SUCLG2: variants seen among roughly 807,000 people sequenced by gnomAD.
The protein encoded by SUCLG2 is succinate-CoA ligase GDP-forming subunit beta.
A neutral mutation model predicts 47.9 loss-of-function variants in SUCLG2; 42 were observed. That is an observed-to-expected ratio of 0.88 (90% CI 0.69 to 1.14). The LOEUF (loss-of-function observed/expected upper bound fraction) is 1.14, where lower values mean the gene tolerates loss of function less well. Among genes scored for constraint, SUCLG2 ranks in the 50% most tolerant of loss-of-function variants. The pLI, the probability that SUCLG2 is intolerant of heterozygous loss-of-function variation, is 0.00. For missense variants in SUCLG2, 571 were observed against 525.9 expected, an observed-to-expected ratio of 1.09 and a Z score of -0.84; for synonymous variants, 195 against 197.3, an observed-to-expected ratio of 0.99 and a Z score of 0.10.
In SUCLG2 at chr3:67,580,620, AC is replaced by A. The variant is rs1455585723; in HGVS notation, c.226+28834del. Among the ~76,000 whole-genome samples, 7 of 152,196 alleles carry A rather than the reference AC, an allele frequency of 4.6e-5. No individual in the cohort carries two copies. The East Asian group carries it at 1.3e-3, about 29-fold the overall frequency. The stretch of plus-strand genomic sequence containing the variant: ...AAATGAAGCCTGAGACAACAGGCAA[AC>A]GGCAGAGATTGTCCCTTGATTAACT... On this transcript the variant is annotated intron_variant, in intron 2 of 10. Coordinates refer to ENST00000307227, the MANE Select transcript of SUCLG2 (RefSeq NM_003848.4).
chr3:67,426,534 ATACT>A (rs1703304830), intron 9 of SUCLG2, among the ~76,000 whole-genome samples: 1 of 152,344 alleles, frequency 6.6e-6, no homozygotes, highest in African/African-American at 2.4e-5. Context: ...TGTAAAGAAC[ATACT>A]TACCATATTC....
Position 67,498,292 on chromosome 3 carries a change from A to T in SUCLG2, c.761T>A (p.Val254Asp). 6.2e-7 allele frequency: 1 copy of T among 1,609,988 alleles called. No homozygotes were observed. Among genetic ancestry groups the T allele is most frequent in the East Asian group, 2.3e-5 (1 of 44,322 alleles). Residue 254 changes from valine (V) to aspartate (D), a missense_variant, in exon 8 of 11, where the codon GTC becomes GAC. Physicochemically the swap from Val to Asp is radical, Grantham distance 152 (BLOSUM62 -3). Transcript: ENST00000307227. ...PFGETPEGQV[V>D]CFDAKINFDD... Reference sequence around the variant, plus strand: ...AAAGTTTATCTTGGCATCAAAACAGACAACTAAATAAAGAAGAAAACAATC... The same window carrying T: ...AAAGTTTATCTTGGCATCAAAACAGTCAACTAAATAAAGAAGAAAACAATC...
intron 1 of SUCLG2, among the ~76,000 whole-genome samples, chr3:67,643,280 C>T (rs759983009): frequency 6.6e-6 from 1 of 152,190 alleles, no homozygotes; most frequent in Non-Finnish European, 1.5e-5. Flanking sequence ...ACTCACTTAT[C>T]ACCAGAAACT....
intron 1 of SUCLG2, among the ~76,000 whole-genome samples, chr3:67,642,827 G>A (rs566624509): frequency 1.6e-4 from 24 of 151,952 alleles, no homozygotes; most frequent in African/African-American, 5.8e-4. Flanking sequence ...CATTGTACAG[G>A]CAAGTCCAGC....
At chr3:67,568,321 AT>A (rs1707519794) in intron 2 of SUCLG2, among the ~76,000 whole-genome samples, 1 of 152,200 alleles carries the variant, frequency 6.6e-6, no homozygotes, top group Non-Finnish European at 1.5e-5. Context: ...CATCGAATAG[AT>A]TTTAAAGTAG....
At chr3:67,432,625 G>T (rs1703516326) in intron 9 of SUCLG2, among the ~76,000 whole-genome samples, 1 of 152,034 alleles carries the variant, frequency 6.6e-6, no homozygotes, top group African/African-American at 2.4e-5. Context: ...TTCTTCTTGT[G>T]ACCTCTCCCG....
chr3:67,520,294 G>A (rs981870768), intron 5 of SUCLG2, among the ~76,000 whole-genome samples, 188 bp downstream of exon 5: 1 of 152,152 alleles, frequency 6.6e-6, no homozygotes, highest in Non-Finnish European at 1.5e-5. Flanking sequence ...AAAAGTCCTT[G>A]AACACTGAAT....
intron 2 of SUCLG2, among the ~76,000 whole-genome samples, chr3:67,596,340 A>C (rs1296885474): frequency 1.3e-5 from 2 of 152,186 alleles, no homozygotes; most frequent in Non-Finnish European, 2.9e-5. Flanking sequence ...CCTGCCAATC[A>C]TTTTGAAAGA....
intron 1 of SUCLG2, among the ~76,000 whole-genome samples, chr3:67,648,165 G>C (rs1701223357): frequency 6.6e-6 from 1 of 152,252 alleles, no homozygotes; most frequent in East Asian, 1.9e-4. Context: ...GGCTCAGTCA[G>C]GTTCAATAAT....
chr3:67,574,546 C>T (rs1443931508), intron 2 of SUCLG2, among the ~76,000 whole-genome samples: 1 of 152,120 alleles, frequency 6.6e-6, no homozygotes, highest in African/African-American at 2.4e-5. Flanking sequence ...GCATACCATG[C>T]ACAAAAATGA....
In SUCLG2 at chr3:67,375,868, G is replaced by A; in HGVS notation, c.1184-9C>T. The A allele has an allele frequency of 6.2e-7, 1 of 1,611,766 alleles. No individual in the cohort carries two copies. The highest frequency in any genetic ancestry group is 8.5e-7 in the Non-Finnish European group (1 of 1,178,974). Reference sequence around the variant, plus strand: ...CTCTTGGACGTTGGTTCCTAGAAGGGGGACAGGGAACAATCACTGAATGAA... The same window carrying A: ...CTCTTGGACGTTGGTTCCTAGAAGGAGGACAGGGAACAATCACTGAATGAA... On this transcript the variant is annotated splice_polypyrimidine_tract_variant and intron_variant, in intron 10 of 10. Transcript: ENST00000307227.
chr3:67,495,986 T>G (rs1412821483), intron 8 of SUCLG2, 46 bp from the exon 9 acceptor site: 1 of 1,611,122 alleles, frequency 6.2e-7, no homozygotes, highest in African/African-American at 1.3e-5. Context: ...TTTAGCAACA[T>G]GAAATGGTCC....
In SUCLG2 at chr3:67,375,454, T is replaced by A; in HGVS notation, c.*290A>T. The A allele has an allele frequency of 1.9e-6, 2 of 1,071,350 alleles. No homozygotes were observed. Among genetic ancestry groups the A allele is most frequent in the Non-Finnish European group, 2.3e-6 (2 of 885,670 alleles). 66.4% of individuals were successfully genotyped at this position (1,071,350 alleles called of 1,614,324 possible). A position where few individuals can be genotyped will look rare whatever the true frequency, so the allele number is the denominator to read the frequency against. On this transcript the variant is annotated 3_prime_UTR_variant, in exon 11 of 11. Transcript: ENST00000307227. ...TCAAATTCTGTCTATACACACAATA[T>A]TTGGCCACATAGACCACTCCCCAAA...
chr3:67,654,502 C>G lies in SUCLG2; in HGVS notation c.84+1G>C. 1.6e-6 allele frequency: 2 copies of G among 1,238,758 alleles called. No individual in the cohort carries two copies. The highest frequency in any genetic ancestry group is 1.0e-6 in the Non-Finnish European group (1 of 990,146). 76.7% of individuals were successfully genotyped at this position (1,238,758 alleles called of 1,614,324 possible). On this transcript the variant is annotated splice_donor_variant, in intron 1 of 10. Coordinates refer to ENST00000307227, the MANE Select transcript of SUCLG2 (RefSeq NM_003848.4). LOFTEE classifies it high-confidence loss of function. ...CCCGCAGCTCCTGCCCCCACGCTCA[C>G]CTGGGACCCGGCCGCCAGGAAGCGG...
intron 9 of SUCLG2, among the ~76,000 whole-genome samples, chr3:67,451,549 A>T (rs996690287): frequency 2.6e-5 from 4 of 152,118 alleles, no homozygotes; most frequent in Admixed American, 2.0e-4. Context: ...TTGTCCTAGC[A>T]GTTATCTCTT....
chr3:67,376,651 C>A (rs1265618511), intron 10 of SUCLG2: 2 of 312,706 alleles, frequency 6.4e-6, no homozygotes, highest in East Asian at 1.7e-4. Context: ...TGCCTTACCA[C>A]AAAGAGTGCA....
chr3:67,538,001 G>T lies in SUCLG2; in HGVS notation c.227-8815C>A, dbSNP rs139915896. The stretch of plus-strand genomic sequence containing the variant: ...GTCAGATGGATAGACTGCAAAAAAT[G>T]TTCTCCCACTCTGTAGGCTGCCTGT... On this transcript the variant is annotated intron_variant, in intron 2 of 10. Coordinates refer to ENST00000307227, the MANE Select transcript of SUCLG2 (RefSeq NM_003848.4). 4.5e-3 allele frequency among the ~76,000 whole-genome samples: 678 copies of T among 152,150 alleles called. 8 individuals carry two copies. The East Asian group carries it at 0.054, about 12-fold the overall frequency.
chr3:67,434,263 C>T (rs1052113424), intron 9 of SUCLG2, among the ~76,000 whole-genome samples: 1 of 152,156 alleles, frequency 6.6e-6, no homozygotes, highest in Non-Finnish European at 1.5e-5. Flanking sequence ...TAGTGGCTCA[C>T]GTCCGTTATC....
At chr3:67,525,573 C>A (rs1432117401) in intron 4 of SUCLG2, among the ~76,000 whole-genome samples, 1 of 152,098 alleles carries the variant, frequency 6.6e-6, no homozygotes, top group Non-Finnish European at 1.5e-5. Flanking sequence ...AATATCATAG[C>A]CCTTTTGCCC....
Sources: gnomAD v4.1 joint callset for allele counts (sites outside exome capture counted in the v4.1 genomes callset) on GRCh38, gnomAD v4.1.1 for gene constraint, MANE v1.5 for transcripts, NCBI Gene and HGNC (gene_info 2026-07-23, HGNC 2026-07-21) for gene names.